TRMT9B: variants seen among roughly 807,000 people sequenced by gnomAD.
TRMT9B encodes probable tRNA methyltransferase 9B.
A neutral mutation model predicts 11.5 loss-of-function variants in TRMT9B; 16 were observed. The observed-to-expected ratio is 1.39, with a 90% CI of 0.94 to 2.11. TRMT9B has a LOEUF of 2.11. Among genes scored for constraint, TRMT9B ranks in the 30% most tolerant of loss-of-function variants. The pLI is 0.00. For synonymous variants in TRMT9B, 274 were observed against 192.4 expected, an observed-to-expected ratio of 1.42 and a Z score of -3.51; for missense variants, 941 against 553.8, an observed-to-expected ratio of 1.70 and a Z score of -7.02.
chr8:12,946,351 A>G (rs184701768), intron 1 of TRMT9B, among the ~76,000 whole-genome samples: 1 of 152,346 alleles, frequency 6.6e-6, no homozygotes, highest in Admixed American at 6.5e-5. Context: ...TAGAATAGAA[A>G]CAATAAGAAG....
At chr8:12,957,743 C>T (rs895579276) in intron 1 of TRMT9B, among the ~76,000 whole-genome samples, 1 of 152,162 alleles carries the variant, frequency 6.6e-6, no homozygotes, top group Non-Finnish European at 1.5e-5. Context: ...TTAACTGCAA[C>T]ATTGATTTTA....
chr8:12,955,578 G>C (rs890442746), intron 1 of TRMT9B, among the ~76,000 whole-genome samples: 5 of 152,102 alleles, frequency 3.3e-5, no homozygotes, highest in Non-Finnish European at 7.4e-5. Flanking sequence ...GTTCTTAAAG[G>C]TGTAACTGCG....
At chr8:13,010,020 C>T (rs1041361137) in intron 3 of TRMT9B, among the ~76,000 whole-genome samples, 4 of 151,774 alleles carry the variant, frequency 2.6e-5, no homozygotes, top group East Asian at 1.9e-4. Flanking sequence ...TGCCTGTAGT[C>T]TCAGCTACTT....
At chr8:12,957,273 C>G (rs753894982) in intron 1 of TRMT9B, among the ~76,000 whole-genome samples, 1 of 152,138 alleles carries the variant, frequency 6.6e-6, no homozygotes, top group African/African-American at 2.4e-5. Flanking sequence ...TCTCTGTTCC[C>G]TTTAACACAG....
chr8:13,003,012 A>C (rs1809753063), intron 2 of TRMT9B, among the ~76,000 whole-genome samples: 1 of 152,098 alleles, frequency 6.6e-6, no homozygotes, highest in Non-Finnish European at 1.5e-5. Context: ...GCCAGATTCC[A>C]TTCTCACTAT....
rs564013101 is a variant in TRMT9B, at chr8:13,022,550, T to G, written c.*506T>G. On this transcript the variant is annotated 3_prime_UTR_variant, in exon 5 of 5. Transcript: ENST00000524591. ...ATGAGTTATCTTGTTGCCAAGGCCTTGCTTCTACTTAAAGTTTTCAGAAAA... is the reference window on the plus strand; with the variant it reads ...ATGAGTTATCTTGTTGCCAAGGCCTGGCTTCTACTTAAAGTTTTCAGAAAA... 1.2e-5 allele frequency: 2 copies of G among 167,314 alleles called. No homozygotes were observed. The highest frequency in any genetic ancestry group is 4.1e-4 in the South Asian group (2 of 4,822). 10.4% of individuals were successfully genotyped at this position (167,314 alleles called of 1,614,324 possible). A position where few individuals can be genotyped will look rare whatever the true frequency, so the allele number is the denominator to read the frequency against.
At chr8:13,006,511 C>T in intron 3 of TRMT9B, 155 bp downstream of exon 3, 1 of 1,465,254 alleles carries the variant, frequency 6.8e-7, no homozygotes, top group Non-Finnish European at 9.0e-7. Context: ...AAATACCTTC[C>T]ATTGAGCCTT....
At chr8:12,995,363 G>A (rs967017914) in intron 2 of TRMT9B, among the ~76,000 whole-genome samples, 1 of 152,166 alleles carries the variant, frequency 6.6e-6, no homozygotes, top group Non-Finnish European at 1.5e-5. Context: ...GCTAATTGGA[G>A]TAGATATAAA....
chr8:13,017,875 C>T (rs1020760237), intron 4 of TRMT9B, among the ~76,000 whole-genome samples: 48 of 151,894 alleles, frequency 3.2e-4, no homozygotes, highest in African/African-American at 1.2e-3. Context: ...CCGCCCACCT[C>T]AGCCCCTCAA....
chr8:12,977,280 T>C (rs537746774), intron 1 of TRMT9B, among the ~76,000 whole-genome samples: 1 of 152,254 alleles, frequency 6.6e-6, no homozygotes, highest in South Asian at 2.1e-4. Context: ...AATCACAAGA[T>C]CAGCCTGGAG....
At chr8:13,002,076 C>T (rs951576480) in intron 2 of TRMT9B, among the ~76,000 whole-genome samples, 1 of 152,058 alleles carries the variant, frequency 6.6e-6, no homozygotes, top group Non-Finnish European at 1.5e-5. Context: ...ATCAGAAAAA[C>T]AAAATAGATT....
Position 12,982,435 on chromosome 8 carries a change from G to T in TRMT9B, c.-199-8399G>T, listed in dbSNP as rs186123922. On this transcript the variant is annotated intron_variant, in intron 1 of 4. Coordinates refer to ENST00000524591, the MANE Select transcript of TRMT9B (RefSeq NM_020844.3). ...CCAGCAGTTTGGGATGCCGAGGTAG[G>T]TGGATCACTTGAGGTCAGGAGTTCA... Among the ~76,000 whole-genome samples the T allele has an allele frequency of 3.3e-5, 5 of 152,316 alleles. No homozygotes were observed. The East Asian group carries it at 9.6e-4, about 29-fold the overall frequency.
chr8:12,995,382 T>C (rs1808150609), intron 2 of TRMT9B, among the ~76,000 whole-genome samples: 1 of 152,256 alleles, frequency 6.6e-6, no homozygotes, highest in Non-Finnish European at 1.5e-5. Context: ...AACAAATTTA[T>C]ACAAAGTTAT....
chr8:12,950,048 T>C (rs1800472751), intron 1 of TRMT9B, among the ~76,000 whole-genome samples: 1 of 152,030 alleles, frequency 6.6e-6, no homozygotes, highest in Admixed American at 6.6e-5. Flanking sequence ...GAAATGAGGT[T>C]TCACTATGTT....
rs958597962 is a variant in TRMT9B at position 13,025,580 on chromosome 8, A to T, written c.*3536A>T. 1 of 167,084 alleles carries T rather than the reference A, an allele frequency of 6.0e-6. No individual in the cohort carries two copies. The highest frequency in any genetic ancestry group is 1.5e-5 in the Non-Finnish European group (1 of 68,126). The allele number at this position is 167,084 out of a possible 1,614,324, so 10.4% of individuals were successfully genotyped here. A position where few individuals can be genotyped will look rare whatever the true frequency, so the allele number is the denominator to read the frequency against. The stretch of plus-strand genomic sequence containing the variant: ...CTGTCTATTTGAGGAATTCCACAGA[A>T]TCTTCAAAGGATTTGGGGGAAAGCG... On this transcript the variant is annotated 3_prime_UTR_variant, in exon 5 of 5. Coordinates refer to ENST00000524591, the MANE Select transcript of TRMT9B (RefSeq NM_020844.3).
At chr8:13,019,357 T>A (rs1025367525) in intron 4 of TRMT9B, among the ~76,000 whole-genome samples, 1 of 152,200 alleles carries the variant, frequency 6.6e-6, no homozygotes, top group Non-Finnish European at 1.5e-5. Context: ...AGTGGCATGA[T>A]CATGGCCCAC....
chr8:13,006,681 C>G (rs1045856220), intron 3 of TRMT9B: 5 of 1,334,376 alleles, frequency 3.7e-6, no homozygotes, highest in Non-Finnish European at 4.8e-6. Context: ...TATTTTTATT[C>G]TTTTGAGATG....
rs760934307 is a variant in TRMT9B, at chr8:13,021,416, C to T, written c.737C>T (p.Ser246Leu). 25 of 1,613,900 alleles carry T rather than the reference C, an allele frequency of 1.5e-5. No homozygotes were observed. Among genetic ancestry groups the T allele is most frequent in the Non-Finnish European group, 1.8e-5 (21 of 1,179,904 alleles). Residue 246 changes from serine to leucine, a missense_variant, in exon 5 of 5, where the codon TCG becomes TTG. Physicochemically the swap from Ser to Leu is moderately radical, Grantham distance 145 (BLOSUM62 -2). Transcript: ENST00000524591. ...GGATTTTACAGCACATTAGGAAAAT[C>T]GTTTCGTTCCTGGTTTTTCTCCAGA... ...EYGFYSTLGKSFRSWFFSRSL... is the reference protein window; with the variant it reads ...EYGFYSTLGKLFRSWFFSRSL...
chr8:12,950,537 T>TTTTTTCTTTC (rs140867873), intron 1 of TRMT9B, among the ~76,000 whole-genome samples: 3 of 149,358 alleles, frequency 2.0e-5, no homozygotes, highest in Non-Finnish European at 4.4e-5. Flanking sequence ...ACTCGTGGTT[T>TTTTTTCTTTC]TTTCTTTCTT....
Sources: gnomAD v4.1 joint callset for allele counts (sites outside exome capture counted in the v4.1 genomes callset) on GRCh38, gnomAD v4.1.1 for gene constraint, MANE v1.5 for transcripts, NCBI Gene and HGNC (gene_info 2026-07-23, HGNC 2026-07-21) for gene names.